Variants in RGS6 observed in about 807,000 individuals in gnomAD.
RGS6 encodes regulator of G protein signaling 6.
A neutral mutation model predicts 78.5 loss-of-function variants in RGS6; 30 were observed. The observed-to-expected ratio is 0.38, with a 90% CI of 0.29 to 0.52. The LOEUF (loss-of-function observed/expected upper bound fraction) is 0.52, where lower values mean the gene tolerates loss of function less well. RGS6 is among the 20% of genes least tolerant of loss of function. RGS6 has a pLI of 0.85. For synonymous variants in RGS6, 206 were observed against 206.0 expected (o/e 1.00, Z 0.00); for missense variants, 495 against 609.7 (o/e 0.81, Z 1.98).
chr14:72,118,082 G>C (rs2095948246), intron 2 of RGS6, among the ~76,000 whole-genome samples: 1 of 152,004 alleles, frequency 6.6e-6, no homozygotes, highest in South Asian at 2.1e-4. Context: ...TTGAGCGCTG[G>C]CCACTTGTTT....
At chr14:72,501,918 C>T (rs970161548) in intron 13 of RGS6, among the ~76,000 whole-genome samples, 3 of 152,214 alleles carry the variant, frequency 2.0e-5, no homozygotes, top group South Asian at 4.1e-4. Flanking sequence ...CCATGCACAG[C>T]GAGTTTGACA....
At chr14:72,219,272 A>G (rs1485008427) in intron 2 of RGS6, among the ~76,000 whole-genome samples, 6 of 152,118 alleles carry the variant, frequency 3.9e-5, no homozygotes, top group African/African-American at 7.2e-5. Flanking sequence ...AAGTGCCACA[A>G]GTATTGGCTT....
intron 2 of RGS6, among the ~76,000 whole-genome samples, chr14:72,324,371 TTTTAA>T (rs1316371564): frequency 3.9e-5 from 6 of 152,244 alleles, no homozygotes; most frequent in African/African-American, 1.4e-4. Context: ...ATTCTTTTTT[TTTTAA>T]TTTAAGTTCT....
In RGS6 at chr14:72,262,327, G is replaced by C. The variant is rs183895368; in HGVS notation, c.85-89768G>C. On this transcript the variant is annotated intron_variant, in intron 2 of 17. Transcript: ENST00000553525. Reference sequence around the variant, plus strand: ...TTCTCACAGTTCTGGAGGCTGGAAAGTCCAAGATCAAGGTGGAGGCCTCTC... The same window carrying C: ...TTCTCACAGTTCTGGAGGCTGGAAACTCCAAGATCAAGGTGGAGGCCTCTC... Among the ~76,000 whole-genome samples the C allele has an allele frequency of 4.6e-5, 7 of 152,328 alleles. No individual in the cohort carries two copies. In the East Asian group the frequency reaches 1.4e-3, roughly 29 times the overall value.
At chr14:72,372,438 G>A (rs771690717) in intron 3 of RGS6, among the ~76,000 whole-genome samples, 3 of 152,072 alleles carry the variant, frequency 2.0e-5, no homozygotes, top group Non-Finnish European at 2.9e-5. Context: ...TTTCTACAGC[G>A]ATCTATCCTG....
intron 1 of RGS6, among the ~76,000 whole-genome samples, chr14:71,939,206 A>G (rs1370021103): frequency 1.3e-5 from 2 of 152,194 alleles, no homozygotes; most frequent in Non-Finnish European, 2.9e-5. Context: ...TCTTGGTTGT[A>G]GGAGGGGCCA....
intron 2 of RGS6, chr14:71,990,394 G>A: frequency 2.9e-6 from 1 of 343,460 alleles, no homozygotes; most frequent in South Asian, 2.3e-5. Context: ...CAAAATTCAT[G>A]TGTTCTGCTC....
chr14:72,132,995 T>C (rs1319754107), intron 2 of RGS6, among the ~76,000 whole-genome samples: 1 of 152,202 alleles, frequency 6.6e-6, no homozygotes, highest in Non-Finnish European at 1.5e-5. Flanking sequence ...GCCATAGTTT[T>C]GTAGTGTTTC....
chr14:72,478,445 T>C (rs1371994915), intron 12 of RGS6, 116 bp downstream of exon 12: 1 of 743,238 alleles, frequency 1.3e-6, no homozygotes, highest in Non-Finnish European at 2.2e-6. Context: ...AGTTATTCCT[T>C]AGACTGGGGT....
chr14:72,289,043 GC>G (rs1330936308), intron 2 of RGS6, among the ~76,000 whole-genome samples: 3 of 152,162 alleles, frequency 2.0e-5, no homozygotes, highest in African/African-American at 7.2e-5. Context: ...TACTAACAAT[GC>G]ATATACAACA....
chr14:72,370,723 A>AT (rs2083343977), intron 3 of RGS6, among the ~76,000 whole-genome samples: 1 of 152,168 alleles, frequency 6.6e-6, no homozygotes, highest in Admixed American at 6.5e-5. Flanking sequence ...TTGAAAAAAA[A>AT]ATTTTTTAAC....
the RGS6 span, among the ~76,000 whole-genome samples, chr14:71,923,980 T>C: frequency 6.6e-6 from 1 of 152,254 alleles, no homozygotes; most frequent in Admixed American, 6.5e-5. Context: ...CAAGGTAATC[T>C]GCCGAGGATT....
intron 3 of RGS6, among the ~76,000 whole-genome samples, chr14:72,407,539 A>C (rs1205522803): frequency 6.6e-6 from 1 of 152,192 alleles, no homozygotes; most frequent in African/African-American, 2.4e-5. Flanking sequence ...ATTTGGTCAA[A>C]CATGATTGTG....
intron 15 of RGS6, among the ~76,000 whole-genome samples, chr14:72,535,354 A>C (rs1223608647): frequency 6.6e-6 from 1 of 152,220 alleles, no homozygotes; most frequent in Non-Finnish European, 1.5e-5. Context: ...TGAAATGCAC[A>C]AACTGACCCA....
intron 2 of RGS6, among the ~76,000 whole-genome samples, chr14:72,100,457 T>C (rs1164312974): frequency 6.6e-6 from 1 of 152,068 alleles, no homozygotes; most frequent in South Asian, 2.1e-4. Context: ...ATTGCACGAC[T>C]GCACTCCAGC....
At chr14:71,976,706 A>G (rs1332058103) in intron 2 of RGS6, among the ~76,000 whole-genome samples, 2 of 152,172 alleles carry the variant, frequency 1.3e-5, no homozygotes, top group African/African-American at 4.8e-5. Flanking sequence ...CTTCTGAATA[A>G]TGCCGCAATA....
intron 3 of RGS6, among the ~76,000 whole-genome samples, chr14:72,365,124 C>A (rs2082219270): frequency 6.6e-6 from 1 of 152,120 alleles, no homozygotes; most frequent in South Asian, 2.1e-4. Context: ...CGGATGTGTA[C>A]CTTTGTAGTG....
the RGS6 span, among the ~76,000 whole-genome samples, chr14:72,593,630 G>C: frequency 2.0e-5 from 3 of 152,060 alleles, no homozygotes; most frequent in African/African-American, 7.2e-5. Flanking sequence ...CAAGTGATCT[G>C]TCCGCCTCAG....
intron 17 of RGS6, chr14:72,541,434 C>T (rs1316446797): frequency 6.5e-7 from 1 of 1,530,232 alleles, no homozygotes; most frequent in Non-Finnish European, 8.8e-7. Context: ...CTTCCTCGGT[C>T]TTCCCTCTCT....
Sources: allele counts gnomAD v4.1 joint callset (sites outside exome capture counted in the v4.1 genomes callset), GRCh38; gene constraint gnomAD v4.1.1; transcripts MANE v1.5; gene names NCBI Gene and HGNC (gene_info 2026-07-23, HGNC 2026-07-21).